The following NCAM2 variants were observed in gnomAD, a reference collection of about 807,000 sequenced individuals.
The protein encoded by NCAM2 is N-CAM-2.
Under a neutral mutation model 98.1 loss-of-function variants are expected in NCAM2, and 30 were observed. That is an observed-to-expected ratio of 0.31 (90% CI 0.23 to 0.41). The LOEUF (loss-of-function observed/expected upper bound fraction) is 0.41. Ranked by LOEUF, NCAM2 falls within the 10% of genes least tolerant of loss-of-function variation. The pLI is 1.00. For missense variants in NCAM2, 867 were observed against 1,005.8 expected (o/e 0.86, Z 1.87); for synonymous variants, 368 against 342.4 (o/e 1.07, Z -0.83).
At chr21:21,133,138 A>G (rs2066970788) in intron 1 of NCAM2, among the ~76,000 whole-genome samples, 2 of 152,162 alleles carry the variant, frequency 1.3e-5, no homozygotes, top group African/African-American at 4.8e-5. Flanking sequence ...GCTTTAATTT[A>G]TTATGCAATC....
chr21:21,451,111 A>G (rs1980997332), intron 12 of NCAM2, among the ~76,000 whole-genome samples: 1 of 152,152 alleles, frequency 6.6e-6, no homozygotes, highest in Non-Finnish European at 1.5e-5. Context: ...GTTAAGCAGT[A>G]TGACATCAGT....
intron 1 of NCAM2, among the ~76,000 whole-genome samples, chr21:21,093,073 C>G (rs1255958242): frequency 2.6e-5 from 4 of 151,760 alleles, no homozygotes; most frequent in Non-Finnish European, 5.9e-5. Flanking sequence ...AGAGGAAGAT[C>G]AAGAAGACAA....
chr21:21,220,542 T>G (rs183455394), intron 1 of NCAM2, among the ~76,000 whole-genome samples: 1 of 152,166 alleles, frequency 6.6e-6, no homozygotes, highest in African/African-American at 2.4e-5. Flanking sequence ...AAGGACACAT[T>G]TTCCAGAAGG....
chr21:21,147,132 T>C (rs1256752742), intron 1 of NCAM2: 1 of 985,266 alleles, frequency 1.0e-6, no homozygotes, highest in Admixed American at 6.2e-5. Context: ...CCAGCACTAG[T>C]GGACTTCCTG....
intron 12 of NCAM2, among the ~76,000 whole-genome samples, chr21:21,433,146 G>A (rs906635479): frequency 1.3e-5 from 2 of 152,150 alleles, no homozygotes; most frequent in African/African-American, 4.8e-5. Context: ...TTATCAGTTT[G>A]CACTGAGCAT....
chr21:21,066,125 T>A (rs1218404237), intron 1 of NCAM2, among the ~76,000 whole-genome samples: 1 of 152,194 alleles, frequency 6.6e-6, no homozygotes, highest in Non-Finnish European at 1.5e-5. Context: ...AATTTGGATA[T>A]TTCTCTGTTC....
chr21:21,194,130 T>A (rs1028309195), intron 1 of NCAM2, among the ~76,000 whole-genome samples: 1 of 152,210 alleles, frequency 6.6e-6, no homozygotes, highest in Admixed American at 6.5e-5. Context: ...GTTCCATATA[T>A]ACATGGAATA....
chr21:21,399,586 A>G (rs1413802576), intron 9 of NCAM2, among the ~76,000 whole-genome samples: 3 of 152,174 alleles, frequency 2.0e-5, no homozygotes, highest in African/African-American at 7.2e-5. Context: ...TATTTTTATT[A>G]TAAATTATTT....
chr21:21,121,492 A>G (rs1467058005), intron 1 of NCAM2, among the ~76,000 whole-genome samples: 3 of 152,222 alleles, frequency 2.0e-5, no homozygotes, highest in Non-Finnish European at 4.4e-5. Context: ...AGCTGAATGT[A>G]TGAATGACTT....
chr21:21,527,399 T>G (rs918089088), intron 16 of NCAM2, among the ~76,000 whole-genome samples: 5 of 152,134 alleles, frequency 3.3e-5, no homozygotes, highest in African/African-American at 1.2e-4. Context: ...CAAAAGACAT[T>G]GTTAAGTGAA....
chr21:21,035,636 A>G (rs372113867), intron 1 of NCAM2, among the ~76,000 whole-genome samples: 1 of 152,164 alleles, frequency 6.6e-6, no homozygotes, highest in Non-Finnish European at 1.5e-5. Flanking sequence ...TTTTTTTTCC[A>G]TTGAATTTCT....
intron 1 of NCAM2, among the ~76,000 whole-genome samples, chr21:21,270,607 G>A (rs2072458934): frequency 6.6e-6 from 1 of 152,150 alleles, no homozygotes; most frequent in Non-Finnish European, 1.5e-5. Context: ...CTTCTTAAAT[G>A]TATTGCAGCT....
intron 1 of NCAM2, among the ~76,000 whole-genome samples, chr21:21,049,080 G>A (rs1401246854): frequency 2.7e-5 from 4 of 145,824 alleles, no homozygotes; most frequent in South Asian, 2.2e-4. Flanking sequence ...CTGCAGTGGC[G>A]CAATCTCGGC....
At chr21:21,157,403 T>A (rs962601648) in intron 1 of NCAM2, among the ~76,000 whole-genome samples, 1 of 152,184 alleles carries the variant, frequency 6.6e-6, no homozygotes. Context: ...AGTCACTCTA[T>A]GCATTAATGA....
intron 1 of NCAM2, among the ~76,000 whole-genome samples, chr21:21,081,123 A>C (rs1386027198): frequency 6.6e-6 from 1 of 151,968 alleles, no homozygotes; most frequent in African/African-American, 2.4e-5. Context: ...TGCGCTTGGG[A>C]GGGGAGCATG....
intron 1 of NCAM2, among the ~76,000 whole-genome samples, chr21:21,197,019 G>C (rs2146996880): frequency 6.6e-6 from 1 of 152,278 alleles, no homozygotes; most frequent in East Asian, 1.9e-4. Flanking sequence ...GCCTTCTTCT[G>C]TGAGTAAAAG....
rs1386537149 is a variant in NCAM2, at chr21:21,265,027, CTG to C, written c.56-15547_56-15546del. 8.0e-3 allele frequency among the ~76,000 whole-genome samples: 48 copies of C among 6,014 alleles called. No homozygotes were observed. The East Asian group carries it at 0.19, about 24-fold the overall frequency. 3.9% of individuals were successfully genotyped at this position (6,014 alleles called of 152,430 possible). On this transcript the variant is annotated intron_variant, in intron 1 of 17. Transcript: ENST00000400546. ...ATACACATATATATTATATATGTGT[CTG>C]TGTATATATGTACACATATATACTA...
Position 21,458,470 on chromosome 21 carries a change from A to G in NCAM2, c.1655-8136A>G, listed in dbSNP as rs114499650. Among the ~76,000 whole-genome samples, 1,334 of 152,316 alleles carry G rather than the reference A, an allele frequency of 8.8e-3. 16 individuals carry two copies. The highest frequency in any genetic ancestry group is 0.031 in the African/African-American group (1,271 of 41,574). ...TCAGGCACTGAGCACACTTAGGGGC[A>G]GTGTGGGAGTGGAGCAAATCAATGG... On this transcript the variant is annotated intron_variant, in intron 12 of 17. Transcript: ENST00000400546.
chr21:21,410,964 G>A (rs371572470), intron 10 of NCAM2, among the ~76,000 whole-genome samples: 3 of 137,070 alleles, frequency 2.2e-5, no homozygotes, highest in African/African-American at 5.5e-5. Flanking sequence ...CCGAGATCAC[G>A]CCACTGCACT....
Sources: allele counts gnomAD v4.1 joint callset (sites outside exome capture counted in the v4.1 genomes callset), GRCh38; gene constraint gnomAD v4.1.1; transcripts MANE v1.5; gene names NCBI Gene and HGNC (gene_info 2026-07-23, HGNC 2026-07-21).